PAX5: variants seen among roughly 807,000 people sequenced by gnomAD.
PAX5 encodes paired box protein Pax-5.
A neutral mutation model predicts 43.7 loss-of-function variants in PAX5; 9 were observed. That is an observed-to-expected ratio of 0.21 (90% confidence interval 0.12 to 0.36). The LOEUF (loss-of-function observed/expected upper bound fraction) is 0.36, where lower values mean the gene tolerates loss of function less well. Ranked by LOEUF, PAX5 falls within the 10% of genes least tolerant of loss-of-function variation. The probability of loss-of-function intolerance (pLI) is 1.00; values close to 1 mark genes in which losing one functional copy is unlikely to be tolerated. For missense variants in PAX5, 383 were observed against 532.7 expected (o/e 0.72, Z 2.77); for synonymous variants, 228 against 214.3 (o/e 1.06, Z -0.56).
At chr9:37,029,846 G>A (rs1324492607) in intron 1 of PAX5, among the ~76,000 whole-genome samples, 1 of 152,214 alleles carries the variant, frequency 6.6e-6, no homozygotes, top group Non-Finnish European at 1.5e-5. Context: ...TGCAGAACCC[G>A]AGGCCCAGAG....
chr9:36,959,970 AAG>A (rs1404888968), intron 6 of PAX5, among the ~76,000 whole-genome samples: 2 of 152,232 alleles, frequency 1.3e-5, no homozygotes, highest in African/African-American at 2.4e-5. Flanking sequence ...TGGGGTAAGT[AAG>A]AGTCTTTTCA....
intron 1 of PAX5, among the ~76,000 whole-genome samples, chr9:37,025,963 GA>G (rs2132532990): frequency 6.6e-6 from 1 of 152,316 alleles, no homozygotes; most frequent in African/African-American, 2.4e-5. Context: ...GCTGAACTCA[GA>G]AACCGCTACT....
chr9:36,839,696 C>A lies in PAX5; in HGVS notation c.*864G>T, dbSNP rs1033134868. 9.9e-5 allele frequency: 23 copies of A among 233,222 alleles called. No individual in the cohort carries two copies. In the Admixed American group the frequency reaches 1.3e-3, roughly 13 times the overall value. 14.4% of individuals were successfully genotyped at this position (233,222 alleles called of 1,614,324 possible). A position where few individuals can be genotyped will look rare whatever the true frequency, so the allele number is the denominator to read the frequency against. On this transcript the variant is annotated 3_prime_UTR_variant, in exon 10 of 10. Coordinates refer to ENST00000358127, the MANE Select transcript of PAX5 (RefSeq NM_016734.3). ...CTGGGATCAGATGATCTCCTGCGTC[C>A]CATCCAGCCCTCACATTCAAAGTCC...
At position 36,926,439 on chromosome 9, in the gene PAX5, A is replaced by C. The variant is rs147222089; in HGVS notation, c.781-2955T>G. Among the ~76,000 whole-genome samples the C allele has an allele frequency of 6.2e-3, 941 of 152,328 alleles. 11 individuals are homozygous for C. Among genetic ancestry groups the C allele is most frequent in the African/African-American group, 0.022 (902 of 41,566 alleles). ...TCTTGATCTAGGTTACAGCCAGCAA[A>C]GTTTGGAAAATACTGCTTCATTCCA... is the stretch of plus-strand genomic sequence containing the variant. On this transcript the variant is annotated intron_variant, in intron 6 of 9. Transcript: ENST00000358127.
At chr9:36,897,567 C>A (rs1462090340) in intron 7 of PAX5, among the ~76,000 whole-genome samples, 1 of 152,136 alleles carries the variant, frequency 6.6e-6, no homozygotes, top group Non-Finnish European at 1.5e-5. Flanking sequence ...TCACTAAATG[C>A]CTATTCTGCA....
chr9:36,902,494 G>A (rs1033023630), intron 7 of PAX5, among the ~76,000 whole-genome samples: 3 of 152,242 alleles, frequency 2.0e-5, no homozygotes, highest in Non-Finnish European at 2.9e-5. Flanking sequence ...GGAGGGTGCC[G>A]TGGGCAGAGC....
At chr9:36,905,641 T>G (rs1306547155) in intron 7 of PAX5, among the ~76,000 whole-genome samples, 1 of 152,002 alleles carries the variant, frequency 6.6e-6, no homozygotes, top group East Asian at 1.9e-4. Context: ...GGATAAAGGT[T>G]CCACTGGGCA....
intron 5 of PAX5, among the ~76,000 whole-genome samples, chr9:36,973,135 A>AAAGGAAAGGAAAGAAAAGGAAAGG (rs1564026797): frequency 1.3e-5 from 1 of 74,728 alleles, no homozygotes; most frequent in African/African-American, 6.3e-5. Context: ...GAAAGGAAAG[A>AAAGGAAAGGAAAGAAAAGGAAAGG]AAAGGAAAGG....
rs146799257 is a variant in PAX5 at position 36,981,445 on chromosome 9, A to C, written c.605-14721T>G. On this transcript the variant is annotated intron_variant, in intron 5 of 9. Transcript: ENST00000358127. The stretch of plus-strand genomic sequence containing the variant: ...TTCACTGAAACTGGCAAAAAAAAAA[A>C]AACAAAAAACAGGTACAAAGGAGAA... Among the ~76,000 whole-genome samples the C allele has an allele frequency of 2.0e-3, 298 of 149,312 alleles. 3 individuals are homozygous for C. The highest frequency in any genetic ancestry group is 5.9e-3 in the African/African-American group (241 of 41,148).
chr9:36,856,601 A>G (rs3739439), intron 8 of PAX5: 133,912 of 151,838 alleles, frequency 0.88, 59,125 homozygotes, highest in Middle Eastern at 0.93. Context: ...GCAGTGGTGC[A>G]ATCTCGGCTC....
intron 1 of PAX5, among the ~76,000 whole-genome samples, chr9:37,023,439 G>A (rs1212623615): frequency 2.0e-5 from 3 of 152,166 alleles, no homozygotes; most frequent in Non-Finnish European, 2.9e-5. Context: ...AAGGGGGACT[G>A]ACACAGAGAC....
chr9:36,955,535 C>A (rs972764647), intron 6 of PAX5, among the ~76,000 whole-genome samples: 3 of 151,736 alleles, frequency 2.0e-5, no homozygotes, highest in African/African-American at 7.3e-5. Context: ...AATGTGCAGC[C>A]CTTCCAGGTT....
intron 6 of PAX5, among the ~76,000 whole-genome samples, chr9:36,939,154 GC>G (rs761211374): frequency 5.6e-4 from 86 of 152,282 alleles, no homozygotes; most frequent in Non-Finnish European, 3.2e-4. Context: ...TTTTAAATTT[GC>G]CCTAGGGCAA....
At chr9:36,985,835 C>A (rs1440287361) in intron 5 of PAX5, among the ~76,000 whole-genome samples, 1 of 152,300 alleles carries the variant, frequency 6.6e-6, no homozygotes, top group East Asian at 1.9e-4. Context: ...TCTAATTTTC[C>A]ACCGGTGCAA....
At chr9:36,957,608 G>A (rs780068746) in intron 6 of PAX5, among the ~76,000 whole-genome samples, 9 of 152,182 alleles carry the variant, frequency 5.9e-5, no homozygotes, top group African/African-American at 1.4e-4. Context: ...ATGACCAGGG[G>A]ACATGTGGGG....
intron 1 of PAX5, among the ~76,000 whole-genome samples, chr9:37,021,999 C>G (rs959325225): frequency 1.3e-5 from 2 of 152,194 alleles, no homozygotes; most frequent in African/African-American, 4.8e-5. Flanking sequence ...GCCACCTCAT[C>G]TCAGCTATTT....
intron 5 of PAX5, among the ~76,000 whole-genome samples, chr9:36,974,121 A>G (rs1835221457): frequency 6.6e-6 from 1 of 152,204 alleles, no homozygotes; most frequent in African/African-American, 2.4e-5. Context: ...TCAAGGCTTC[A>G]GTGAGCTACA....
intron 7 of PAX5, among the ~76,000 whole-genome samples, chr9:36,908,689 G>A (rs749890022): frequency 2.0e-5 from 3 of 152,176 alleles, no homozygotes; most frequent in Admixed American, 6.5e-5. Flanking sequence ...TAATGAAATC[G>A]CTATTTTAGG....
intron 3 of PAX5, among the ~76,000 whole-genome samples, chr9:37,010,052 A>T (rs1164678323): frequency 6.6e-6 from 1 of 152,228 alleles, no homozygotes; most frequent in Non-Finnish European, 1.5e-5. Flanking sequence ...ATCAGCTTAC[A>T]CTGAGAAGAA....
Sources: gnomAD v4.1 joint callset for allele counts (sites outside exome capture counted in the v4.1 genomes callset) on GRCh38, gnomAD v4.1.1 for gene constraint, MANE v1.5 for transcripts, NCBI Gene and HGNC (gene_info 2026-07-23, HGNC 2026-07-21) for gene names.